CRBN: variants seen among roughly 807,000 people sequenced by gnomAD.
The protein encoded by CRBN is cereblon, also known as protein cereblon.
A neutral mutation model predicts 62.2 loss-of-function variants in CRBN; 53 were observed. That is an observed-to-expected ratio of 0.85 (90% CI 0.68 to 1.07). The LOEUF is 1.07. CRBN is among the 50% of genes least tolerant of loss of function. CRBN has a pLI of 0.00. For missense variants in CRBN, 616 were observed against 531.1 expected, an observed-to-expected ratio of 1.16 and a Z score of -1.57; for synonymous variants, 208 against 176.1, an observed-to-expected ratio of 1.18 and a Z score of -1.43.
intron 10 of CRBN, among the ~76,000 whole-genome samples, chr3:3,151,350 T>C (rs1016382186): frequency 6.6e-6 from 1 of 151,974 alleles, no homozygotes; most frequent in Non-Finnish European, 1.5e-5. Flanking sequence ...ACATTCTAAC[T>C]TGTACTGGCA....
Position 3,150,978 on chromosome 3 carries a change from T to C in CRBN, c.1216A>G (p.Lys406Glu). ...SHIGWKFTAT[K>E]KDMSPQKFWG... is the part of the protein sequence containing the mutation. ...AATTTTTGAGGTGACATGTCTTTTT[T>C]GGTGGCCGTAAACTTCCATCCAATA... is the stretch of plus-strand genomic sequence containing the variant. The change falls in exon 11 of 11, where the codon AAA becomes GAA. Residue 406 changes from lysine to glutamate, a missense_variant. Transcript: ENST00000231948. The C allele has an allele frequency of 1.2e-6, 2 of 1,614,088 alleles. No homozygotes were observed. The highest frequency in any genetic ancestry group is 1.7e-6 in the Non-Finnish European group (2 of 1,179,996).
chr3:3,171,135 C>T lies in CRBN; in HGVS notation c.527+1641G>A, dbSNP rs576532786. On this transcript the variant is annotated intron_variant, in intron 4 of 10. Coordinates refer to ENST00000231948, the MANE Select transcript of CRBN (RefSeq NM_016302.4). Reference sequence around the variant, plus strand: ...TTAATCTTTACTAGAGTCAAAAATCCATTCCTTGTCTTGTTTTCAGAGTTA... The same window carrying T: ...TTAATCTTTACTAGAGTCAAAAATCTATTCCTTGTCTTGTTTTCAGAGTTA... Among the ~76,000 whole-genome samples the T allele has an allele frequency of 7.2e-5, 11 of 152,242 alleles. No homozygotes were observed. The South Asian group carries it at 2.1e-3, about 29-fold the overall frequency.
At chr3:3,177,931 T>C (rs1707892041) in intron 1 of CRBN, among the ~76,000 whole-genome samples, 1 of 151,826 alleles carries the variant, frequency 6.6e-6, no homozygotes, top group African/African-American at 2.4e-5. Context: ...TTTACGTAAT[T>C]TGGAGAGGCA....
intron 7 of CRBN, chr3:3,154,310 C>CTCAA: frequency 1.9e-6 from 1 of 527,278 alleles, no homozygotes; most frequent in South Asian, 2.1e-5. Flanking sequence ...TAAACATGAA[C>CTCAA]TCAAATCCAT....
At position 3,164,401 on chromosome 3, in the gene CRBN, C is replaced by A. The variant is rs58291075; in HGVS notation, c.687+3233G>T. Among the ~76,000 whole-genome samples, 988 of 152,272 alleles carry A rather than the reference C, an allele frequency of 6.5e-3. 13 individuals are homozygous for A. The highest frequency in any genetic ancestry group is 0.022 in the African/African-American group (918 of 41,562). On this transcript the variant is annotated intron_variant, in intron 5 of 10. Coordinates refer to ENST00000231948, the MANE Select transcript of CRBN (RefSeq NM_016302.4). ...ATGGAGAAAGTTTTAATGGTCTGGACAGAAGATCAAACCAGCCACAAATTT... is the reference window on the plus strand; with the variant it reads ...ATGGAGAAAGTTTTAATGGTCTGGAAAGAAGATCAAACCAGCCACAAATTT...
At chr3:3,174,291 C>A in intron 2 of CRBN, 30 bp from the exon 3 acceptor site, 1 of 1,495,262 alleles carries the variant, frequency 6.7e-7, no homozygotes, top group South Asian at 1.1e-5. Flanking sequence ...GGTATAGTGT[C>A]ATGATCGATA....
chr3:3,157,660 T>C (rs1452388391), intron 5 of CRBN, among the ~76,000 whole-genome samples: 1 of 152,068 alleles, frequency 6.6e-6, no homozygotes, highest in Non-Finnish European at 1.5e-5. Flanking sequence ...TAAAAGGGAC[T>C]CGGGACTGAG....
chr3:3,154,898 C>T, intron 6 of CRBN, 67 bp from the exon 7 acceptor site: 1 of 904,594 alleles, frequency 1.1e-6, no homozygotes, highest in South Asian at 1.3e-5. Flanking sequence ...TTAAGCTTTT[C>T]AACTCTTAAA....
intron 6 of CRBN, chr3:3,155,425 G>C (rs550896507): frequency 1.3e-5 from 2 of 154,326 alleles, no homozygotes; most frequent in South Asian, 4.0e-4. Context: ...TTGAATGCCC[G>C]CTATGCACAC....
rs78247640 is a variant in CRBN at position 3,163,385 on chromosome 3, C to T, written c.687+4249G>A. 1.6e-3 allele frequency among the ~76,000 whole-genome samples: 241 copies of T among 152,254 alleles called. 3 individuals are homozygous for T. In the East Asian group the frequency reaches 0.043, roughly 27 times the overall value. ...GAGGAAAAATTCAGAGGATCTGAAC[C>T]CAGGCAAATATGTGCTTCTTTGGTC... On this transcript the variant is annotated intron_variant, in intron 5 of 10. Transcript: ENST00000231948.
chr3:3,173,497 A>G (rs1707710726), intron 3 of CRBN, among the ~76,000 whole-genome samples: 1 of 152,214 alleles, frequency 6.6e-6, no homozygotes, highest in Non-Finnish European at 1.5e-5. Flanking sequence ...CATTTCCCAA[A>G]CCAAACATTC....
intron 5 of CRBN, among the ~76,000 whole-genome samples, chr3:3,159,835 TTTAGCTTTCTGGCACAA>T (rs1333057701): frequency 6.6e-6 from 1 of 152,188 alleles, no homozygotes; most frequent in Non-Finnish European, 1.5e-5. Flanking sequence ...AAGAGTCCCA[TTTAGCTTTCTGGCACAA>T]TAGGAAAGGC....
intron 4 of CRBN, among the ~76,000 whole-genome samples, chr3:3,171,362 G>C (rs1707605577): frequency 6.6e-6 from 1 of 152,158 alleles, no homozygotes; most frequent in Non-Finnish European, 1.5e-5. Context: ...TAACAAAACA[G>C]TTTGCTAATT....
At chr3:3,179,364 G>A (rs1202662796) in intron 1 of CRBN, among the ~76,000 whole-genome samples, 4 of 152,176 alleles carry the variant, frequency 2.6e-5, no homozygotes, top group Non-Finnish European at 4.4e-5. Context: ...GGATGGAGAG[G>A]ATGGGTTTCC....
At chr3:3,175,123 T>C (rs772656293) in intron 2 of CRBN, 40 bp downstream of exon 2, 9 of 1,252,316 alleles carry the variant, frequency 7.2e-6, no homozygotes, top group South Asian at 2.4e-5. Context: ...TACATTTAAA[T>C]GTATATCTAT....
chr3:3,164,100 T>G (rs1426318199), intron 5 of CRBN, among the ~76,000 whole-genome samples: 1 of 152,158 alleles, frequency 6.6e-6, no homozygotes, highest in African/African-American at 2.4e-5. Flanking sequence ...AGCCCCTCCA[T>G]CTCTCTCCCT....
rs754740199 is a variant in CRBN at position 3,154,742 on chromosome 3, C to T, written c.835+5G>A. Reference sequence around the variant, plus strand: ...GGCTCCAGGCAGGAAACTAACTTTTCATACCTATTGGATTTGAAGGAAGAG... The same window carrying T: ...GGCTCCAGGCAGGAAACTAACTTTTTATACCTATTGGATTTGAAGGAAGAG... On this transcript the variant is annotated splice_donor_5th_base_variant and intron_variant, in intron 7 of 10. Transcript: ENST00000231948. The T allele has an allele frequency of 6.5e-7, 1 of 1,549,780 alleles. No homozygotes were observed.
chr3:3,179,469 G>A (rs1030967738), intron 1 of CRBN, 152 bp downstream of exon 1: 2 of 698,450 alleles, frequency 2.9e-6, no homozygotes, highest in Non-Finnish European at 2.5e-6. Flanking sequence ...CGCTGGCCGA[G>A]GGCCGACGTG....
intron 4 of CRBN, 25 bp downstream of exon 4, chr3:3,172,751 C>G: frequency 6.2e-7 from 1 of 1,604,428 alleles, no homozygotes; most frequent in Non-Finnish European, 8.5e-7. Flanking sequence ...ATTCAAAGAG[C>G]ATTAAGGTAT....
Sources: gnomAD v4.1 joint callset for allele counts (sites outside exome capture counted in the v4.1 genomes callset) on GRCh38, gnomAD v4.1.1 for gene constraint, MANE v1.5 for transcripts, NCBI Gene and HGNC (gene_info 2026-07-23, HGNC 2026-07-21) for gene names.